Variants in SPRY3 observed in about 807,000 individuals in gnomAD.
The protein encoded by SPRY3 is protein sprouty homolog 3.
A neutral mutation model predicts 20.2 loss-of-function variants in SPRY3; 15 were observed. The observed-to-expected ratio is 0.74, with a 90% CI of 0.50 to 1.14. SPRY3 has a LOEUF of 1.14. Among genes scored for constraint, SPRY3 ranks in the 50% most tolerant of loss-of-function variants. The pLI, the probability that SPRY3 is intolerant of heterozygous loss-of-function variation, is 0.00. For missense variants in SPRY3, 364 were observed against 363.9 expected (o/e 1.00, Z 0.00); for synonymous variants, 143 against 136.5 (o/e 1.05, Z -0.33).
At chrX:155,678,128 T>C (rs2068063342) in intron 2 of SPRY3, among the ~76,000 whole-genome samples, 2 of 111,370 alleles carry the variant, frequency 1.8e-5, no homozygotes, top group Admixed American at 1.9e-4. Flanking sequence ...TTGAATGAGA[T>C]GGCCTGGACT....
In SPRY3 at chrX:155,712,334, G is replaced by A. The variant is rs778387032; in HGVS notation, c.-282+55309G>A. On this transcript the variant is annotated intron_variant, in intron 2 of 3. Coordinates refer to ENST00000675360, the Ensembl canonical transcript of SPRY3. ...TTGTATTGGGGTCTATCTCTCTTTAGCTCTAATAATATTTGCTTTGTATAT... is the reference window on the plus strand; with the variant it reads ...TTGTATTGGGGTCTATCTCTCTTTAACTCTAATAATATTTGCTTTGTATAT... Among the ~76,000 whole-genome samples, 64 of 151,980 alleles carry A rather than the reference G, an allele frequency of 4.2e-4. No homozygotes were observed. The East Asian group carries it at 7.7e-3, about 18-fold the overall frequency.
At chrX:155,670,612 C>G (rs1287530374) in intron 2 of SPRY3, among the ~76,000 whole-genome samples, 1 of 111,798 alleles carries the variant, frequency 8.9e-6, no homozygotes, top group African/African-American at 3.2e-5. Context: ...TAGAATGTTT[C>G]TTTTATTTGT....
chrX:155,752,238 C>G (rs1174658081), intron 2 of SPRY3, among the ~76,000 whole-genome samples: 24 of 151,138 alleles, frequency 1.6e-4, no homozygotes, highest in Non-Finnish European at 4.4e-5. Context: ...TCTATTGGAT[C>G]GCTAACTCAC....
intron 1 of SPRY3, among the ~76,000 whole-genome samples, chrX:155,644,569 C>T (rs782105265): frequency 1.8e-5 from 2 of 111,164 alleles, no homozygotes; most frequent in Admixed American, 1.9e-4. Context: ...ACAATGCTTC[C>T]CACTCTTCCC....
chrX:155,723,811 G>T (rs1173692015), intron 2 of SPRY3, among the ~76,000 whole-genome samples: 2 of 152,058 alleles, frequency 1.3e-5, no homozygotes, highest in African/African-American at 4.8e-5. Flanking sequence ...GTCTATTTTG[G>T]CTTTTGTTGC....
At chrX:155,704,410 A>G (rs1011162059) in intron 2 of SPRY3, among the ~76,000 whole-genome samples, 1 of 151,808 alleles carries the variant, frequency 6.6e-6, no homozygotes, top group African/African-American at 2.4e-5. Context: ...GACACCTCTG[A>G]GGACAAAATC....
intron 2 of SPRY3, chrX:155,767,698 G>A (rs2091343775): frequency 7.6e-6 from 1 of 131,010 alleles, no homozygotes; most frequent in Non-Finnish European, 1.6e-5. Context: ...GGAGGAGGAG[G>A]AGAAAGAAGA....
intron 2 of SPRY3, among the ~76,000 whole-genome samples, chrX:155,692,623 T>A (rs1188945967): frequency 8.9e-6 from 1 of 111,798 alleles, no homozygotes; most frequent in East Asian, 2.8e-4. Context: ...GTCACTTCGC[T>A]GGTATTTTTT....
chrX:155,730,159 G>T (rs767805514), intron 2 of SPRY3, among the ~76,000 whole-genome samples: 1 of 152,120 alleles, frequency 6.6e-6, no homozygotes, highest in South Asian at 2.1e-4. Context: ...AGAAACAAAG[G>T]AGAAGGGAAT....
At chrX:155,764,592 C>G (rs2091317155) in intron 2 of SPRY3, among the ~76,000 whole-genome samples, 1 of 151,954 alleles carries the variant, frequency 6.6e-6, no homozygotes, top group Non-Finnish European at 1.5e-5. Flanking sequence ...GGGGATGTGG[C>G]AGTGAAGACA....
intron 2 of SPRY3, among the ~76,000 whole-genome samples, chrX:155,686,387 A>C (rs1349268058): frequency 8.9e-6 from 1 of 111,744 alleles, no homozygotes. Context: ...ATCCTAGGAA[A>C]ATATTGATAT....
chrX:155,773,798 T>C, exon 4 of SPRY3: 1 of 1,524,462 alleles, frequency 6.6e-7, no homozygotes, highest in Non-Finnish European at 8.9e-7. Flanking sequence ...TCCATGTAAC[T>C]ACAAGGGCTC....
rs1026388946 is a variant in SPRY3 at position 155,688,368 on chromosome X, T to C, written c.-282+31343T>C. ...CATATGCATGCATATGTCTTTATAATAGAATGATTTATATTCCTTTGGGTA... is the reference window on the plus strand; with the variant it reads ...CATATGCATGCATATGTCTTTATAACAGAATGATTTATATTCCTTTGGGTA... On this transcript the variant is annotated intron_variant, in intron 2 of 3. Transcript: ENST00000675360. Among the ~76,000 whole-genome samples the C allele has an allele frequency of 2.7e-5, 3 of 110,755 alleles. 1 individual carries two copies. Among genetic ancestry groups the C allele is most frequent in the Non-Finnish European group, 5.7e-5 (3 of 52,857 alleles).
At chrX:155,705,984 A>C (rs1344815804) in intron 2 of SPRY3, among the ~76,000 whole-genome samples, 1 of 151,322 alleles carries the variant, frequency 6.6e-6, no homozygotes, top group African/African-American at 2.4e-5. Flanking sequence ...ATTAACAAGG[A>C]TATAGAAGAT....
chrX:155,771,897 G>T (rs1163286571), intron 3 of SPRY3, among the ~76,000 whole-genome samples: 3 of 152,110 alleles, frequency 2.0e-5, no homozygotes, highest in Admixed American at 6.5e-5. Context: ...CGGATGAAAA[G>T]AAATATTTTA....
chrX:155,756,609 A>G (rs1412671657), intron 2 of SPRY3, among the ~76,000 whole-genome samples: 2 of 152,146 alleles, frequency 1.3e-5, no homozygotes, highest in African/African-American at 2.4e-5. Context: ...GTTAGGATAC[A>G]TTAGGAAAAG....
chrX:155,729,464 G>C (rs1387044725), intron 2 of SPRY3, among the ~76,000 whole-genome samples: 1 of 152,054 alleles, frequency 6.6e-6, no homozygotes, highest in Non-Finnish European at 1.5e-5. Flanking sequence ...TGAATGAACA[G>C]TGGGTCAATG....
chrX:155,746,504 G>A (rs1263987643), intron 2 of SPRY3, among the ~76,000 whole-genome samples: 1 of 151,880 alleles, frequency 6.6e-6, no homozygotes, highest in African/African-American at 2.4e-5. Flanking sequence ...TATTCTCCAA[G>A]ATTTAAATTT....
chrX:155,734,177 T>A (rs2091153028), intron 2 of SPRY3, among the ~76,000 whole-genome samples: 1 of 152,132 alleles, frequency 6.6e-6, no homozygotes, highest in African/African-American at 2.4e-5. Context: ...CATGTCTTTT[T>A]TACTAAGCTT....
Sources: gnomAD v4.1 joint callset for allele counts (sites outside exome capture counted in the v4.1 genomes callset) on GRCh38, gnomAD v4.1.1 for gene constraint, MANE v1.5 for transcripts, NCBI Gene and HGNC (gene_info 2026-07-23, HGNC 2026-07-21) for gene names.